GRIK1: variants seen among roughly 807,000 people sequenced by gnomAD.
GRIK1 encodes glutamate ionotropic receptor kainate type subunit 1.
GRIK1 carries 69 observed loss-of-function variants against 105.7 expected under a neutral mutation model. The ratio of observed to expected loss-of-function variants is 0.65; its 90% CI spans 0.54 to 0.80. GRIK1 has a LOEUF of 0.80. Ranked by LOEUF, GRIK1 falls within the 30% of genes least tolerant of loss-of-function variation. The pLI is 0.00. For synonymous variants in GRIK1, 438 were observed against 431.3 expected (o/e 1.02, Z -0.19); for missense variants, 1,109 against 1,167.3 (o/e 0.95, Z 0.73).
intron 3 of GRIK1, among the ~76,000 whole-genome samples, chr21:29,682,470 T>C (rs2063399453): frequency 6.6e-6 from 1 of 152,166 alleles, no homozygotes; most frequent in African/African-American, 2.4e-5. Context: ...TTCTTTTGCT[T>C]ACATTTTTTT....
intron 1 of GRIK1, among the ~76,000 whole-genome samples, chr21:29,697,941 T>TCTTTCTTTCTTTTTTCTTTCTTC (rs1368972626): frequency 3.6e-5 from 5 of 140,488 alleles, no homozygotes; most frequent in Admixed American, 2.1e-4. Context: ...TTTCTTTCTT[T>TCTTTCTTTCTTTTTTCTTTCTTC]CTTTCTTTTT....
chr21:29,584,557 C>T (rs937840516), intron 12 of GRIK1, among the ~76,000 whole-genome samples: 8 of 152,172 alleles, frequency 5.3e-5, no homozygotes, highest in South Asian at 4.2e-4. Flanking sequence ...TTTGTCCCAC[C>T]GATGTCTACA....
chr21:29,766,051 G>A (rs7510109), intron 1 of GRIK1, among the ~76,000 whole-genome samples: 20,732 of 151,810 alleles, frequency 0.14, 1,447 homozygotes, highest in Non-Finnish European at 0.14. Context: ...CGGTTTTACC[G>A]TGTTGGCCAG....
intron 1 of GRIK1, among the ~76,000 whole-genome samples, chr21:29,765,414 T>G (rs2065634224): frequency 6.6e-6 from 1 of 152,054 alleles, no homozygotes; most frequent in Non-Finnish European, 1.5e-5. Context: ...CCTTGAGAGG[T>G]CTCCTTGCTA....
chr21:29,808,646 T>G (rs2066927039), intron 1 of GRIK1, among the ~76,000 whole-genome samples: 1 of 152,200 alleles, frequency 6.6e-6, no homozygotes, highest in South Asian at 2.1e-4. Context: ...GTGTTCCTCC[T>G]TCATGCTTTG....
intron 1 of GRIK1, among the ~76,000 whole-genome samples, chr21:29,784,523 AT>A (rs1308910061): frequency 3.9e-5 from 6 of 152,148 alleles, no homozygotes; most frequent in African/African-American, 9.7e-5. Flanking sequence ...TTTTAAAAAA[AT>A]ATCACATTAT....
At chr21:29,734,557 G>A (rs149549398) in intron 1 of GRIK1, among the ~76,000 whole-genome samples, 266 of 151,746 alleles carry the variant, frequency 1.8e-3, no homozygotes, top group African/African-American at 6.4e-3. Flanking sequence ...GTGACACCAT[G>A]CCTGGCTAAT....
chr21:29,687,077 G>A (rs1448582349), intron 3 of GRIK1, among the ~76,000 whole-genome samples: 1 of 152,154 alleles, frequency 6.6e-6, no homozygotes, highest in South Asian at 2.1e-4. Flanking sequence ...AGAGTCTTTC[G>A]ACATTTTATC....
In GRIK1 at chr21:29,695,472, C is replaced by CTATA. The variant is rs566101202; in HGVS notation, c.119-1410_119-1409insTATA. 9.7e-3 allele frequency among the ~76,000 whole-genome samples: 1,245 copies of CTATA among 128,750 alleles called. 7 individuals are homozygous for CTATA. Among genetic ancestry groups the CTATA allele is most frequent in the Middle Eastern group, 0.017 (4 of 242 alleles). The allele number at this position is 128,750 out of a possible 152,430, so 84.5% of individuals were successfully genotyped here. A position where few individuals can be genotyped will look rare whatever the true frequency, so the allele number is the denominator to read the frequency against. On this transcript the variant is annotated intron_variant, in intron 1 of 17. Transcript: ENST00000327783. ...TCTATCTATCTATCTATCTATCTAT[C>CTATA]TATCTATATATATATATTTTGAGAT...
At chr21:29,553,381 C>T in intron 16 of GRIK1, 2 of 1,252,392 alleles carry the variant, frequency 1.6e-6, no homozygotes, top group Non-Finnish European at 2.0e-6. Flanking sequence ...CTTCAACATA[C>T]AGTGCAAGTA....
At chr21:29,620,119 C>G (rs756937726) in intron 7 of GRIK1, among the ~76,000 whole-genome samples, 1 of 152,102 alleles carries the variant, frequency 6.6e-6, no homozygotes, top group Non-Finnish European at 1.5e-5. Context: ...TAGTATAAAG[C>G]CTATGATGTT....
intron 1 of GRIK1, among the ~76,000 whole-genome samples, chr21:29,778,354 A>G (rs562186572): frequency 6.6e-6 from 1 of 152,250 alleles, no homozygotes; most frequent in African/African-American, 2.4e-5. Context: ...TTTGCAAAAT[A>G]AAATTAAGAT....
intron 4 of GRIK1, among the ~76,000 whole-genome samples, chr21:29,666,728 A>G (rs570584611): frequency 1.3e-5 from 2 of 152,354 alleles, no homozygotes; most frequent in African/African-American, 4.8e-5. Flanking sequence ...AAAGCTAGAC[A>G]TGATTAGATG....
At chr21:29,916,127 A>AAGTTATCTAGTTTCTTTGAAG (rs58470520) in intron 1 of GRIK1, among the ~76,000 whole-genome samples, 1 of 151,922 alleles carries the variant, frequency 6.6e-6, no homozygotes, top group Non-Finnish European at 1.5e-5. Context: ...TTTCTTTGAA[A>AAGTTATCTAGTTTCTTTGAAG]CATTACTATG....
At chr21:29,912,185 T>G (rs537714174) in intron 1 of GRIK1, among the ~76,000 whole-genome samples, 37 of 152,206 alleles carry the variant, frequency 2.4e-4, no homozygotes, top group African/African-American at 8.7e-4. Flanking sequence ...TAAATTCCCC[T>G]TGATCAAAAA....
chr21:29,559,258 T>C (rs896883138), intron 15 of GRIK1, among the ~76,000 whole-genome samples: 2 of 152,138 alleles, frequency 1.3e-5, no homozygotes, highest in African/African-American at 4.8e-5. Context: ...AGTGATGAGA[T>C]ATAAAAAATA....
At chr21:29,926,051 T>G (rs997447007) in intron 1 of GRIK1, among the ~76,000 whole-genome samples, 6 of 151,766 alleles carry the variant, frequency 4.0e-5, no homozygotes, top group Non-Finnish European at 2.9e-5. Flanking sequence ...ACATTCCTGC[T>G]CACTCAAGTA....
chr21:29,715,919 C>T (rs1266713666), intron 1 of GRIK1, among the ~76,000 whole-genome samples: 1 of 151,960 alleles, frequency 6.6e-6, no homozygotes, highest in African/African-American at 2.4e-5. Context: ...TATGTCCCCA[C>T]CCATATCTCA....
At chr21:29,819,698 C>A (rs2067246264) in intron 1 of GRIK1, among the ~76,000 whole-genome samples, 1 of 151,966 alleles carries the variant, frequency 6.6e-6, no homozygotes, top group African/African-American at 2.4e-5. Flanking sequence ...GAAAATCTAA[C>A]AGCAATTGTG....
Sources: allele counts gnomAD v4.1 joint callset (sites outside exome capture counted in the v4.1 genomes callset), GRCh38; gene constraint gnomAD v4.1.1; transcripts MANE v1.5; gene names NCBI Gene and HGNC (gene_info 2026-07-23, HGNC 2026-07-21).